Variants in RERE observed in about 807,000 individuals in gnomAD.
The protein encoded by RERE is arginine-glutamic acid dipeptide repeats.
Under a neutral mutation model 146.1 loss-of-function variants are expected in RERE, and 40 were observed. The ratio of observed to expected loss-of-function variants is 0.27; its 90% CI spans 0.21 to 0.36. The LOEUF (loss-of-function observed/expected upper bound fraction) is 0.36, where lower values mean the gene tolerates loss of function less well. Ranked by LOEUF, RERE falls within the 10% of genes least tolerant of loss-of-function variation. The pLI is 1.00. For synonymous variants in RERE, 1,003 were observed against 866.0 expected, an observed-to-expected ratio of 1.16 and a Z score of -2.78; for missense variants, 1,933 against 2,138.7, an observed-to-expected ratio of 0.90 and a Z score of 1.90.
rs1641706821 is a variant in RERE at position 8,364,138 on chromosome 1, G to A, written c.1658C>T (p.Pro553Leu). Residue 553 changes from proline (P) to leucine (L), a missense_variant, in exon 15 of 23, where the codon CCG (proline) becomes CTG (leucine). By Grantham distance (98) the Pro-to-Leu change is moderately conservative. Around this residue, in one of 11 missense-constraint regions of RERE, gnomAD observed 260 missense variants for 378.4 expected, o/e 0.69. Transcript: ENST00000400908. The surrounding 1 kb of genome is among the most constrained non-coding windows in gnomAD (Gnocchi z 5.1). ...PPIEKPVDPP[P>L]FMFKPVKEED... ...TTCCTTGACGGGTTTGAACATAAAC[G>A]GTGGCGGGTCCACGGGCTTCTCAAT... 1 of 1,614,128 alleles carries A rather than the reference G, an allele frequency of 6.2e-7. No homozygotes were observed. The highest frequency in any genetic ancestry group is 8.5e-7 in the Non-Finnish European group (1 of 1,180,028).
At chr1:8,419,778 T>C (rs1459643357) in intron 12 of RERE, among the ~76,000 whole-genome samples, 1 of 152,348 alleles carries the variant, frequency 6.6e-6, no homozygotes, top group East Asian at 1.9e-4. Flanking sequence ...GGATGAATAA[T>C]CTGCCTAAGG....
chr1:8,738,270 T>C (rs1184994577), intron 1 of RERE, among the ~76,000 whole-genome samples: 1 of 152,136 alleles, frequency 6.6e-6, no homozygotes, highest in Non-Finnish European at 1.5e-5. Context: ...CGTGCCTTTC[T>C]TTTGTTGTTG....
intron 10 of RERE, among the ~76,000 whole-genome samples, chr1:8,468,659 AG>A (rs1418715835): frequency 1.3e-5 from 2 of 152,194 alleles, no homozygotes; most frequent in African/African-American, 4.8e-5. Context: ...AGGCTGAGGT[AG>A]GAAGATTGAG....
At chr1:8,810,683 T>C (rs1641789274) in intron 1 of RERE, among the ~76,000 whole-genome samples, 1 of 152,196 alleles carries the variant, frequency 6.6e-6, no homozygotes, top group African/African-American at 2.4e-5. Flanking sequence ...ACTAGAATAG[T>C]AGTATCTATC....
At chr1:8,649,086 A>G (rs1647467729) in intron 2 of RERE, among the ~76,000 whole-genome samples, 1 of 152,212 alleles carries the variant, frequency 6.6e-6, no homozygotes, top group South Asian at 2.1e-4. Context: ...AAAGAAATTA[A>G]TATGCCACCT....
chr1:8,516,141 C>T (rs1645411510), intron 7 of RERE, among the ~76,000 whole-genome samples: 1 of 141,134 alleles, frequency 7.1e-6, no homozygotes, highest in South Asian at 2.2e-4. Context: ...AGAAAAATTG[C>T]TCAAACCCAG....
At chr1:8,471,097 G>A (rs1281178596) in intron 10 of RERE, among the ~76,000 whole-genome samples, 1 of 151,966 alleles carries the variant, frequency 6.6e-6, no homozygotes, top group Non-Finnish European at 1.5e-5. Context: ...GATTACAGGT[G>A]TCAGCCACAG....
At chr1:8,439,569 T>C (rs1037228361) in intron 11 of RERE, among the ~76,000 whole-genome samples, 6 of 152,206 alleles carry the variant, frequency 3.9e-5, no homozygotes, top group African/African-American at 1.4e-4. Flanking sequence ...CTCCATTGTT[T>C]TGAAACACAA....
chr1:8,711,384 G>A (rs909295083), intron 1 of RERE, among the ~76,000 whole-genome samples: 11 of 152,214 alleles, frequency 7.2e-5, no homozygotes, highest in South Asian at 2.1e-4. Flanking sequence ...GTGTGCAGCC[G>A]TCTCATGGAT....
At chr1:8,518,690 T>A (rs1274566914) in intron 7 of RERE, among the ~76,000 whole-genome samples, 1 of 152,072 alleles carries the variant, frequency 6.6e-6, no homozygotes, top group Non-Finnish European at 1.5e-5. Context: ...ATATGCTGGG[T>A]TTCTCAATTT....
intron 7 of RERE, among the ~76,000 whole-genome samples, chr1:8,527,508 A>T (rs1253555477): frequency 6.6e-6 from 1 of 152,212 alleles, no homozygotes; most frequent in Non-Finnish European, 1.5e-5. Context: ...ACACAAAATA[A>T]TATGTAATAA....
intron 1 of RERE, among the ~76,000 whole-genome samples, chr1:8,812,091 C>T (rs1641823154): frequency 1.3e-5 from 2 of 152,128 alleles, no homozygotes; most frequent in Admixed American, 1.3e-4. Context: ...TGAGATGACT[C>T]GGAAGACTTT....
At chr1:8,711,094 C>A (rs1213320605) in intron 1 of RERE, among the ~76,000 whole-genome samples, 3 of 127,822 alleles carry the variant, frequency 2.3e-5, no homozygotes, top group East Asian at 5.1e-4. Context: ...GAGGCGGAGG[C>A]TGCTGTGAGC....
Position 8,356,852 on chromosome 1 carries a change from G to A in RERE, c.4340-606C>T, listed in dbSNP as rs1244454756. Among the ~76,000 whole-genome samples, 2 of 152,070 alleles carry A rather than the reference G, an allele frequency of 1.3e-5. No homozygotes were observed. Among genetic ancestry groups the A allele is most frequent in the Non-Finnish European group, 2.9e-5 (2 of 68,004 alleles). On this transcript the variant is annotated intron_variant, in intron 20 of 22. Coordinates refer to ENST00000400908, the MANE Select transcript of RERE (RefSeq NM_001042681.2). The surrounding 1 kb of genome is among the most constrained non-coding windows in gnomAD (Gnocchi z 5.2). ...TCTCCCAGCTCCAGCCAACACAGGC[G>A]CTGGCAGGGATTTCAGGGTTGCCAC...
chr1:8,394,096 T>C (rs1384814034), intron 12 of RERE, among the ~76,000 whole-genome samples: 1 of 152,222 alleles, frequency 6.6e-6, no homozygotes, highest in Non-Finnish European at 1.5e-5. Context: ...TGGTGACCTA[T>C]ACTTTGGGAA....
At chr1:8,562,408 G>C (rs1646089172) in intron 4 of RERE, among the ~76,000 whole-genome samples, 1 of 152,192 alleles carries the variant, frequency 6.6e-6, no homozygotes, top group Non-Finnish European at 1.5e-5. Flanking sequence ...AGCTTCCTGT[G>C]TGAAAGCACC....
chr1:8,637,219 TCCTC>T (rs1647112729), intron 2 of RERE, among the ~76,000 whole-genome samples: 1 of 152,024 alleles, frequency 6.6e-6, no homozygotes, highest in Non-Finnish European at 1.5e-5. Context: ...AGTCACAACT[TCCTC>T]CCCTAAGAGA....
chr1:8,512,414 G>C (rs1388124513), intron 7 of RERE, among the ~76,000 whole-genome samples: 1 of 151,258 alleles, frequency 6.6e-6, no homozygotes, highest in Non-Finnish European at 1.5e-5. Flanking sequence ...CAAACTTTTA[G>C]GTCTCTGTAC....
chr1:8,791,456 A>T (rs1428567205), intron 1 of RERE, among the ~76,000 whole-genome samples: 1 of 152,222 alleles, frequency 6.6e-6, no homozygotes, highest in Non-Finnish European at 1.5e-5. Context: ...ATATCTTGCA[A>T]GAGACACTAA....
Sources: gnomAD v4.1 joint callset for allele counts (sites outside exome capture counted in the v4.1 genomes callset) on GRCh38, gnomAD v4.1.1 for gene constraint, gnomAD v4.1.1 regional missense constraint, Gnocchi (gnomAD v3.1) non-coding constraint, MANE v1.5 for transcripts, NCBI Gene and HGNC (gene_info 2026-07-23, HGNC 2026-07-21) for gene names.